The following PCDHGB1 variants were observed in gnomAD, a reference collection of about 807,000 sequenced individuals.
PCDHGB1 encodes protocadherin gamma subfamily B, 1.
PCDHGB1 carries 34 observed loss-of-function variants against 56.6 expected under a neutral mutation model. The observed-to-expected ratio is 0.60, with a 90% CI of 0.46 to 0.80. The LOEUF (loss-of-function observed/expected upper bound fraction) is 0.80, where lower values mean the gene tolerates loss of function less well. Among genes scored for constraint, PCDHGB1 ranks in the 30% least tolerant of loss-of-function variants. PCDHGB1 has a pLI of 0.00. For missense variants in PCDHGB1, 1,278 were observed against 1,204.6 expected, an observed-to-expected ratio of 1.06 and a Z score of -0.90; for synonymous variants, 561 against 505.9, an observed-to-expected ratio of 1.11 and a Z score of -1.46.
intron 1 of PCDHGB1, chr5:141,423,309 G>T (rs1401836240): frequency 6.2e-7 from 1 of 1,614,176 alleles, no homozygotes; most frequent in South Asian, 1.1e-5. Context: ...CGCTGTACTT[G>T]GTGGTGGCGG....
intron 1 of PCDHGB1, among the ~76,000 whole-genome samples, chr5:141,465,966 C>T (rs904439039): frequency 5.3e-5 from 8 of 151,802 alleles, no homozygotes; most frequent in Non-Finnish European, 1.0e-4. Context: ...ACTAAAAATA[C>T]AAAAAATTAG....
intron 1 of PCDHGB1, among the ~76,000 whole-genome samples, chr5:141,353,478 T>A (rs1227837320): frequency 6.6e-6 from 1 of 152,236 alleles, no homozygotes; most frequent in Admixed American, 6.5e-5. Context: ...TTATTAAGAC[T>A]CTTAACACTT....
chr5:141,437,978 C>T (rs1014157103), intron 1 of PCDHGB1, among the ~76,000 whole-genome samples: 2 of 152,212 alleles, frequency 1.3e-5, no homozygotes, highest in East Asian at 1.9e-4. Context: ...TCTTGGGATG[C>T]ACCCACCCCA....
At chr5:141,370,736 A>C (rs1444909580) in intron 1 of PCDHGB1, 1 of 1,613,780 alleles carries the variant, frequency 6.2e-7, no homozygotes, top group Non-Finnish European at 8.5e-7. Flanking sequence ...AAAAGCCTTT[A>C]AACTTTTTTC....
chr5:141,431,916 T>C lies in PCDHGB1; in HGVS notation c.2410-62891T>C, dbSNP rs2097428336. 1 of 1,614,056 alleles carries C rather than the reference T, an allele frequency of 6.2e-7. No homozygotes were observed. Among genetic ancestry groups the C allele is most frequent in the Middle Eastern group, 1.6e-4 (1 of 6,062 alleles). ...GAAAACGGACAGGTGATCTGTTTCA[T>C]CCAAGGAAATCTGCCCTTTAAATTA... On this transcript the variant is annotated intron_variant, in intron 1 of 3. Transcript: ENST00000523390. The surrounding 1 kb of genome is among the most constrained non-coding windows in gnomAD (Gnocchi z 4.8).
At chr5:141,387,877 C>T in intron 1 of PCDHGB1, 1 of 1,585,868 alleles carries the variant, frequency 6.3e-7, no homozygotes, top group Non-Finnish European at 8.6e-7. Flanking sequence ...CTGAGGAGAG[C>T]AAGAGGGATG....
At position 141,432,908 on chromosome 5, in the gene PCDHGB1, C is replaced by A. The variant is rs757934634; in HGVS notation, c.2410-61899C>A. On this transcript the variant is annotated intron_variant, in intron 1 of 3. Coordinates refer to ENST00000523390, the MANE Select transcript of PCDHGB1 (RefSeq NM_018922.3). This position sits in a 1 kb window ranked among gnomAD's most constrained non-coding sequence, Gnocchi z 6.0. ...CATCTTGCTGCTGGCGCTCAGGCTGCGGCGCTGGCACAAGTCACGCCTGCT... is the reference window on the plus strand; with the variant it reads ...CATCTTGCTGCTGGCGCTCAGGCTGAGGCGCTGGCACAAGTCACGCCTGCT... The A allele has an allele frequency of 1.6e-5, 26 of 1,614,168 alleles. No individual in the cohort carries two copies. Among genetic ancestry groups the A allele is most frequent in the Middle Eastern group, 1.7e-4 (1 of 6,060 alleles).
intron 1 of PCDHGB1, among the ~76,000 whole-genome samples, chr5:141,472,555 A>T (rs1360460094): frequency 6.6e-6 from 1 of 152,024 alleles, no homozygotes; most frequent in South Asian, 2.1e-4. Flanking sequence ...AAAAAAAATT[A>T]TATTATAAAT....
chr5:141,489,066 C>G lies in PCDHGB1; in HGVS notation c.2410-5741C>G. The stretch of plus-strand genomic sequence containing the variant: ...CACTCAAATTCAGCTCCCCTCCCCC[C>G]TGCCCACCCCCGCCACTCGGTGACT... On this transcript the variant is annotated intron_variant, in intron 1 of 3. Transcript: ENST00000523390. This position sits in a 1 kb window ranked among gnomAD's most constrained non-coding sequence, Gnocchi z 4.5. 1 of 391,132 alleles carries G rather than the reference C, an allele frequency of 2.6e-6. No individual in the cohort carries two copies. Among genetic ancestry groups the G allele is most frequent in the South Asian group, 4.2e-5 (1 of 24,028 alleles). 24.2% of individuals were successfully genotyped at this position (391,132 alleles called of 1,614,324 possible).
At chr5:141,395,389 G>A in intron 1 of PCDHGB1, 1 of 986,786 alleles carries the variant, frequency 1.0e-6, no homozygotes, top group South Asian at 1.8e-5. Context: ...CTATAAAATT[G>A]AACTCTAATA....
rs10038103 is a variant in PCDHGB1 at position 141,414,849 on chromosome 5, C to T, written c.2409+62180C>T. On this transcript the variant is annotated intron_variant, in intron 1 of 3. Transcript: ENST00000523390. ...TGTCGTTGAGCCTGTTTGTGCTGGA[C>T]CAGAACGACAATGCGCCCGAGATCC... The T allele has an allele frequency of 7.9e-4, 1,268 of 1,614,252 alleles. 15 individuals carry two copies. In the African/African-American group the frequency reaches 0.015, roughly 19 times the overall value.
At chr5:141,418,189 G>A in intron 1 of PCDHGB1, 1 of 1,614,046 alleles carries the variant, frequency 6.2e-7, no homozygotes, top group Admixed American at 1.7e-5. Flanking sequence ...AAGCTGTGGT[G>A]GAAAATCCTT....
Position 141,370,599 on chromosome 5 carries a change from A to G in PCDHGB1, c.2409+17930A>G, listed in dbSNP as rs987021743. On this transcript the variant is annotated intron_variant, in intron 1 of 3. Transcript: ENST00000523390. ...TTTACCTACTAGGAACCTGCGGGTT[A>G]TTGCAGAGAAGAAATTCTTTACCGT... is the stretch of plus-strand genomic sequence containing the variant. 11 of 1,613,848 alleles carry G rather than the reference A, an allele frequency of 6.8e-6. No homozygotes were observed. The African/African-American group carries it at 1.2e-4, about 18-fold the overall frequency.
intron 1 of PCDHGB1, chr5:141,403,476 A>T: frequency 6.2e-7 from 1 of 1,613,972 alleles, no homozygotes; most frequent in Non-Finnish European, 8.5e-7. Flanking sequence ...CTCAGCCCCA[A>T]TCACCACTTC....
chr5:141,413,909 T>C, intron 1 of PCDHGB1: 2 of 1,613,316 alleles, frequency 1.2e-6, no homozygotes, highest in Non-Finnish European at 1.7e-6. Context: ...AACGCGCCGG[T>C]CTTCACCTTG....
chr5:141,352,305 C>T lies in PCDHGB1; in HGVS notation c.2045C>T (p.Thr682Met). The change falls in exon 1 of 4, where the codon ACG becomes ATG. Residue 682 changes from threonine to methionine, a missense_variant. Thr to Met is a moderately conservative substitution (Grantham distance 81, BLOSUM62 -1). Transcript: ENST00000523390. Reference protein sequence around the residue: ...SDRPEPSDPQTELQFYLVVAL... With the variant: ...SDRPEPSDPQMELQFYLVVAL... ...CGCCCTGAGCCCTCTGACCCCCAGA[C>T]GGAACTGCAGTTTTACCTGGTTGTG... 8 of 1,614,070 alleles carry T rather than the reference C, an allele frequency of 5.0e-6. No individual in the cohort carries two copies. The highest frequency in any genetic ancestry group is 1.3e-5 in the African/African-American group (1 of 75,070).
chr5:141,365,523 T>C lies in PCDHGB1; in HGVS notation c.2409+12854T>C, dbSNP rs1445858385. 1 of 1,613,750 alleles carries C rather than the reference T, an allele frequency of 6.2e-7. No homozygotes were observed. The highest frequency in any genetic ancestry group is 1.7e-5 in the Admixed American group (1 of 60,002). ...TTGCCTTTTAAATTGGAGAAGTCAG[T>C]TGATAATTACTATCACCTATTAACA... is the stretch of plus-strand genomic sequence containing the variant. On this transcript the variant is annotated intron_variant, in intron 1 of 3. Coordinates refer to ENST00000523390, the MANE Select transcript of PCDHGB1 (RefSeq NM_018922.3).
intron 1 of PCDHGB1, chr5:141,417,639 C>G: frequency 1.3e-6 from 1 of 745,670 alleles, no homozygotes; most frequent in Non-Finnish European, 2.1e-6. Flanking sequence ...CGCCGGGGAT[C>G]CCTCAGCCTC....
At chr5:141,497,272 T>G (rs568198729) in intron 2 of PCDHGB1, among the ~76,000 whole-genome samples, 20 of 152,254 alleles carry the variant, frequency 1.3e-4, no homozygotes, top group African/African-American at 4.3e-4. Flanking sequence ...CTAGGCCATT[T>G]ATGTTCCCTC....
Sources: allele counts gnomAD v4.1 joint callset (sites outside exome capture counted in the v4.1 genomes callset), GRCh38; gene constraint gnomAD v4.1.1; non-coding constraint Gnocchi (gnomAD v3.1); transcripts MANE v1.5; gene names NCBI Gene and HGNC (gene_info 2026-07-23, HGNC 2026-07-21).